PATJ: variants seen among roughly 807,000 people sequenced by gnomAD.
The protein encoded by PATJ is PATJ crumbs cell polarity complex component.
PATJ carries 190 observed loss-of-function variants against 224.9 expected under a neutral mutation model. That is an observed-to-expected ratio of 0.84 (90% CI 0.75 to 0.95). The LOEUF is 0.95. Among genes scored for constraint, PATJ ranks in the 40% least tolerant of loss-of-function variants. The probability of loss-of-function intolerance (pLI) is 0.00; values close to 1 mark genes in which losing one functional copy is unlikely to be tolerated. For missense variants in PATJ, 2,121 were observed against 2,270.3 expected, an observed-to-expected ratio of 0.93 and a Z score of 1.34; for synonymous variants, 769 against 820.3, an observed-to-expected ratio of 0.94 and a Z score of 1.07.
intron 33 of PATJ, among the ~76,000 whole-genome samples, chr1:62,099,629 C>T (rs754801784): frequency 1.4e-4 from 22 of 151,920 alleles, no homozygotes; most frequent in Admixed American, 8.5e-4. Flanking sequence ...TAAAACATGC[C>T]TGCAAGCAGT....
At chr1:62,038,875 A>G (rs1650948571) in intron 30 of PATJ, 6 of 800,812 alleles carry the variant, frequency 7.5e-6, no homozygotes, top group Non-Finnish European at 8.9e-6. Flanking sequence ...CATAGAAGAT[A>G]CAATGAAGAA....
At chr1:61,839,738 G>C (rs1471789009) in intron 17 of PATJ, among the ~76,000 whole-genome samples, 1 of 152,050 alleles carries the variant, frequency 6.6e-6, no homozygotes, top group Non-Finnish European at 1.5e-5. Flanking sequence ...TTGAATTTCA[G>C]TGATTTAGAA....
At chr1:61,940,486 A>G (rs1677639601) in intron 27 of PATJ, among the ~76,000 whole-genome samples, 1 of 152,034 alleles carries the variant, frequency 6.6e-6, no homozygotes, top group Non-Finnish European at 1.5e-5. Context: ...GGAGGCCGAG[A>G]TGGGCGGATC....
chr1:61,785,306 A>T (rs946997858), intron 7 of PATJ, among the ~76,000 whole-genome samples: 1 of 152,142 alleles, frequency 6.6e-6, no homozygotes, highest in Admixed American at 6.6e-5. Context: ...TTTCTTGGAG[A>T]ATAGGAAAGC....
chr1:61,861,919 T>G (rs1664675205), intron 19 of PATJ, among the ~76,000 whole-genome samples: 1 of 152,152 alleles, frequency 6.6e-6, no homozygotes, highest in Non-Finnish European at 1.5e-5. Context: ...TGGAGTGCAG[T>G]GGTGGGATCT....
At chr1:62,063,246 A>G (rs1319343773) in intron 31 of PATJ, among the ~76,000 whole-genome samples, 1 of 152,180 alleles carries the variant, frequency 6.6e-6, no homozygotes, top group Non-Finnish European at 1.5e-5. Context: ...TCCCAGCACA[A>G]TTTATTGACA....
intron 27 of PATJ, among the ~76,000 whole-genome samples, chr1:61,954,240 T>C (rs1477616226): frequency 6.6e-6 from 1 of 152,362 alleles, no homozygotes; most frequent in South Asian, 2.1e-4. Flanking sequence ...GTCTATCTTA[T>C]ATTATGTTCA....
intron 27 of PATJ, among the ~76,000 whole-genome samples, chr1:61,952,618 G>C (rs1679883450): frequency 6.6e-6 from 1 of 152,216 alleles, no homozygotes; most frequent in Non-Finnish European, 1.5e-5. Flanking sequence ...CATGTGCACT[G>C]TAGTTTGAAT....
intron 19 of PATJ, among the ~76,000 whole-genome samples, chr1:61,862,980 C>T (rs1453180122): frequency 1.4e-5 from 2 of 147,880 alleles, no homozygotes; most frequent in East Asian, 2.0e-4. Context: ...CAAATACATC[C>T]TCTAACCACA....
intron 42 of PATJ, among the ~76,000 whole-genome samples, chr1:62,148,938 C>T (rs1417433166): frequency 6.6e-6 from 1 of 151,836 alleles, no homozygotes; most frequent in Non-Finnish European, 1.5e-5. Context: ...ACCAGCCTGG[C>T]CAACATGATG....
chr1:61,855,948 C>A, intron 17 of PATJ, 82 bp from the exon 18 acceptor site: 1 of 936,020 alleles, frequency 1.1e-6, no homozygotes, highest in Non-Finnish European at 1.7e-6. Context: ...AAATAAGATT[C>A]ATCAGTCAAC....
chr1:61,911,665 C>T (rs1274100238), intron 25 of PATJ, among the ~76,000 whole-genome samples: 1 of 147,392 alleles, frequency 6.8e-6, no homozygotes, highest in African/African-American at 2.5e-5. Context: ...CATAACTGCA[C>T]TTCACAGAAA....
chr1:61,933,533 C>A lies in PATJ; in HGVS notation c.3670+5704C>A, dbSNP rs866968376. Among the ~76,000 whole-genome samples, 25 of 146,268 alleles carry A rather than the reference C, an allele frequency of 1.7e-4. No homozygotes were observed. The Middle Eastern group carries it at 0.011, about 62-fold the overall frequency. ...TCCACCCTGGCGACAGAGTGAGACTCCATCTCAAAAAAAAAAAAAAAAGGA... is the reference window on the plus strand; with the variant it reads ...TCCACCCTGGCGACAGAGTGAGACTACATCTCAAAAAAAAAAAAAAAAGGA... On this transcript the variant is annotated intron_variant, in intron 27 of 43. Transcript: ENST00000642238.
chr1:61,790,638 G>A (rs891828802), intron 8 of PATJ, among the ~76,000 whole-genome samples: 2 of 150,270 alleles, frequency 1.3e-5, no homozygotes, highest in African/African-American at 2.4e-5. Context: ...ATCAGCCTCC[G>A]GAGTAGCTGG....
intron 29 of PATJ, among the ~76,000 whole-genome samples, chr1:62,021,357 A>C (rs1647069731): frequency 6.6e-6 from 1 of 152,160 alleles, no homozygotes; most frequent in African/African-American, 2.4e-5. Context: ...TAATACCTTC[A>C]TGTTGGTGAT....
chr1:61,748,632 A>G (rs1271164733), intron 1 of PATJ, among the ~76,000 whole-genome samples: 2 of 152,076 alleles, frequency 1.3e-5, no homozygotes, highest in South Asian at 4.1e-4. Flanking sequence ...GTGGTGAAAC[A>G]TTTTATTTTT....
intron 33 of PATJ, among the ~76,000 whole-genome samples, chr1:62,104,194 G>C (rs982296553): frequency 6.6e-6 from 1 of 152,016 alleles, no homozygotes; most frequent in Non-Finnish European, 1.5e-5. Context: ...TAATTCAAGA[G>C]CATTAAAATT....
At chr1:61,839,448 A>G (rs1448259692) in intron 17 of PATJ, among the ~76,000 whole-genome samples, 1 of 152,150 alleles carries the variant, frequency 6.6e-6, no homozygotes, top group Non-Finnish European at 1.5e-5. Flanking sequence ...AAACTAGTGC[A>G]AGTAATTTGT....
intron 34 of PATJ, 51 bp downstream of exon 34, chr1:62,108,571 G>T (rs906153909): frequency 1.8e-6 from 2 of 1,103,762 alleles, no homozygotes; most frequent in South Asian, 2.8e-5. Context: ...TTCCTTTGCT[G>T]GTCTCGATCC....
Sources: allele counts gnomAD v4.1 joint callset (sites outside exome capture counted in the v4.1 genomes callset), GRCh38; gene constraint gnomAD v4.1.1; transcripts MANE v1.5; gene names NCBI Gene and HGNC (gene_info 2026-07-23, HGNC 2026-07-21).